STK32B: variants seen among roughly 807,000 people sequenced by gnomAD.
The protein encoded by STK32B is serine/threonine-protein kinase 32B.
In STK32B, 43 loss-of-function variants were observed where a neutral mutation model predicts 52.6. That is an observed-to-expected ratio of 0.82 (90% CI 0.64 to 1.05). STK32B has a LOEUF of 1.05. STK32B is among the 50% of genes least tolerant of loss of function. The probability of loss-of-function intolerance (pLI) is 0.00; values close to 1 mark genes in which losing one functional copy is unlikely to be tolerated. For synonymous variants in STK32B, 238 were observed against 204.3 expected, an observed-to-expected ratio of 1.17 and a Z score of -1.41; for missense variants, 621 against 534.6, an observed-to-expected ratio of 1.16 and a Z score of -1.59.
intron 11 of STK32B, among the ~76,000 whole-genome samples, chr4:5,495,993 G>A (rs1720202480): frequency 6.6e-6 from 1 of 152,188 alleles, no homozygotes; most frequent in Admixed American, 6.5e-5. Flanking sequence ...CCTACTGGGG[G>A]GTGCCTCCCG....
chr4:5,343,688 C>G (rs983820142), intron 4 of STK32B, among the ~76,000 whole-genome samples: 3 of 152,156 alleles, frequency 2.0e-5, no homozygotes, highest in African/African-American at 7.2e-5. Context: ...GTCTAAAACA[C>G]CAAAAGCAAT....
At chr4:5,094,251 A>G (rs1713258447) in intron 1 of STK32B, among the ~76,000 whole-genome samples, 1 of 152,230 alleles carries the variant, frequency 6.6e-6, no homozygotes, top group Non-Finnish European at 1.5e-5. Context: ...AAGGCCAGCA[A>G]AGAATGGTTT....
intron 3 of STK32B, among the ~76,000 whole-genome samples, chr4:5,240,413 CT>C (rs1724940719): frequency 6.6e-6 from 1 of 152,072 alleles, no homozygotes; most frequent in African/African-American, 2.4e-5. Flanking sequence ...ACTTTTCACT[CT>C]TTTATGATAC....
intron 6 of STK32B, among the ~76,000 whole-genome samples, chr4:5,434,450 G>GTATATATA (rs1433116826): frequency 3.1e-4 from 32 of 103,358 alleles, no homozygotes; most frequent in African/African-American, 9.6e-4. Flanking sequence ...GTGTGTGTGT[G>GTATATATA]TGTGTATATA....
chr4:5,358,689 A>T (rs971057193), intron 4 of STK32B, among the ~76,000 whole-genome samples: 1 of 138,966 alleles, frequency 7.2e-6, no homozygotes, highest in Non-Finnish European at 1.5e-5. Context: ...GCCAGGACAC[A>T]TTCACACACA....
intron 2 of STK32B, among the ~76,000 whole-genome samples, chr4:5,157,954 T>C (rs1415114458): frequency 6.6e-6 from 1 of 152,210 alleles, no homozygotes; most frequent in Admixed American, 6.5e-5. Flanking sequence ...AAGGTTGGAA[T>C]CCATTTCTTT....
At chr4:5,455,235 C>T (rs761345956) in intron 7 of STK32B, among the ~76,000 whole-genome samples, 8 of 152,326 alleles carry the variant, frequency 5.3e-5, no homozygotes, top group South Asian at 2.1e-4. Flanking sequence ...TTTGGGCGGG[C>T]GCCTTCTGTC....
At position 5,058,069 on chromosome 4, in the gene STK32B, G is replaced by A. The variant is rs1251899369; in HGVS notation, c.52+6154G>A. 3.3e-5 allele frequency among the ~76,000 whole-genome samples: 5 copies of A among 152,286 alleles called. No homozygotes were observed. The highest frequency in any genetic ancestry group is 3.3e-4 in the Admixed American group (5 of 15,298). ...CAATCCTGGAGTCTTCTTCTTCTCA[G>A]TCCTTGATTTTTGTGACCTCCTTGG... On this transcript the variant is annotated intron_variant, in intron 1 of 11. Coordinates refer to ENST00000282908, the MANE Select transcript of STK32B (RefSeq NM_018401.3). The surrounding 1 kb of genome is among the most constrained non-coding windows in gnomAD (Gnocchi z 4.8).
At chr4:5,430,509 T>C (rs952076318) in intron 6 of STK32B, among the ~76,000 whole-genome samples, 4 of 152,232 alleles carry the variant, frequency 2.6e-5, no homozygotes, top group Admixed American at 6.5e-5. Flanking sequence ...TGTTTTAAAT[T>C]CCTTGTTTGT....
At chr4:5,411,419 T>C (rs997984181) in intron 5 of STK32B, among the ~76,000 whole-genome samples, 8 of 152,188 alleles carry the variant, frequency 5.3e-5, no homozygotes, top group African/African-American at 1.9e-4. Context: ...TCAAAAATGA[T>C]TTCGTAGCAG....
At chr4:5,356,547 G>A (rs1734179533) in intron 4 of STK32B, among the ~76,000 whole-genome samples, 2 of 152,120 alleles carry the variant, frequency 1.3e-5, no homozygotes, top group South Asian at 2.1e-4. Flanking sequence ...CCCTCTTTGA[G>A]CCTTGTTATG....
chr4:5,281,274 C>A (rs1482894032), intron 3 of STK32B, among the ~76,000 whole-genome samples: 2 of 152,150 alleles, frequency 1.3e-5, no homozygotes, highest in South Asian at 2.1e-4. Context: ...GGGGACACAG[C>A]CAAACCATAT....
rs557619281 is a variant in STK32B, at chr4:5,114,146, A to T, written c.53-25759A>T. On this transcript the variant is annotated intron_variant, in intron 1 of 11. Coordinates refer to ENST00000282908, the MANE Select transcript of STK32B (RefSeq NM_018401.3). ...CAGCATCATGTCTTCAACCACCCCC[A>T]TTCTCTCCAGGCCAGTCCCAGCTGA... Among the ~76,000 whole-genome samples the T allele has an allele frequency of 3.6e-3, 544 of 150,594 alleles. 2 individuals carry two copies. Among genetic ancestry groups the T allele is most frequent in the African/African-American group, 0.013 (507 of 40,392 alleles).
intron 1 of STK32B, among the ~76,000 whole-genome samples, chr4:5,063,728 A>T (rs568616518): frequency 6.6e-6 from 1 of 152,176 alleles, no homozygotes; most frequent in African/African-American, 2.4e-5. Context: ...CACTTTCAGC[A>T]TGTCTTAATC....
chr4:5,037,292 C>G, the STK32B span, among the ~76,000 whole-genome samples: 1 of 152,320 alleles, frequency 6.6e-6, no homozygotes, highest in African/African-American at 2.4e-5. Context: ...AGCAATATTT[C>G]TCATGCTAAC....
chr4:5,184,225 C>CA (rs1245789532), intron 3 of STK32B, among the ~76,000 whole-genome samples: 1 of 152,118 alleles, frequency 6.6e-6, no homozygotes, highest in African/African-American at 2.4e-5. Flanking sequence ...CTTGAGCACT[C>CA]AGAGGCCATT....
intron 6 of STK32B, among the ~76,000 whole-genome samples, chr4:5,436,103 C>T (rs1279406009): frequency 6.6e-6 from 1 of 152,174 alleles, no homozygotes; most frequent in Admixed American, 6.5e-5. Context: ...AGTGCTGGGC[C>T]GTGGATTTGA....
chr4:5,138,612 AAAAT>A (rs572997992), intron 1 of STK32B, among the ~76,000 whole-genome samples: 70 of 152,330 alleles, frequency 4.6e-4, no homozygotes, highest in African/African-American at 1.7e-3. Flanking sequence ...ACAACAGAAA[AAAAT>A]AAACATGGCC....
At position 5,264,575 on chromosome 4, in the gene STK32B, G is replaced by A. The variant is rs192807590; in HGVS notation, c.261-66645G>A. Among the ~76,000 whole-genome samples the A allele has an allele frequency of 1.4e-4, 22 of 151,894 alleles. No homozygotes were observed. In the South Asian group the frequency reaches 3.5e-3, roughly 24 times the overall value. ...GCTGAGGCGGGCGGATCACGAGGTC[G>A]GGGGATCGAGACCATCCTGGCTAAC... is the stretch of plus-strand genomic sequence containing the variant. On this transcript the variant is annotated intron_variant, in intron 3 of 11. Coordinates refer to ENST00000282908, the MANE Select transcript of STK32B (RefSeq NM_018401.3).
Sources: gnomAD v4.1 joint callset for allele counts (sites outside exome capture counted in the v4.1 genomes callset) on GRCh38, gnomAD v4.1.1 for gene constraint, Gnocchi (gnomAD v3.1) non-coding constraint, MANE v1.5 for transcripts, NCBI Gene and HGNC (gene_info 2026-07-23, HGNC 2026-07-21) for gene names.